The following CSMD1 variants were observed in gnomAD, a reference collection of about 807,000 sequenced individuals.
CSMD1 encodes CUB and Sushi multiple domains 1.
Under a neutral mutation model 417.5 loss-of-function variants are expected in CSMD1, and 213 were observed. The ratio of observed to expected loss-of-function variants is 0.51; its 90% CI spans 0.46 to 0.57. CSMD1 has a LOEUF of 0.57. Ranked by LOEUF, CSMD1 falls within the 20% of genes least tolerant of loss-of-function variation. The pLI is 0.00. For synonymous variants in CSMD1, 2,862 were observed against 1,736.8 expected, an observed-to-expected ratio of 1.65 and a Z score of -16.11; for missense variants, 6,923 against 4,529.7, an observed-to-expected ratio of 1.53 and a Z score of -15.17.
At chr8:3,764,882 G>A (rs1166019734) in intron 5 of CSMD1, among the ~76,000 whole-genome samples, 1 of 151,790 alleles carries the variant, frequency 6.6e-6, no homozygotes. Flanking sequence ...AAGTAGTTGG[G>A]ATTAAGGTGA....
intron 3 of CSMD1, among the ~76,000 whole-genome samples, chr8:4,124,973 C>T (rs546532450): frequency 2.6e-5 from 4 of 152,316 alleles, no homozygotes; most frequent in South Asian, 2.1e-4. Flanking sequence ...GGAAGTTTTA[C>T]TGTCGCTTTT....
At chr8:3,394,022 A>T (rs1392233665) in intron 17 of CSMD1, among the ~76,000 whole-genome samples, 522 of 43,566 alleles carry the variant, frequency 0.012, 18 homozygotes, top group African/African-American at 0.048. Flanking sequence ...TTATATATAT[A>T]TATATATATA....
intron 23 of CSMD1, among the ~76,000 whole-genome samples, chr8:3,340,267 G>C (rs564550867): frequency 6.6e-6 from 1 of 152,152 alleles, no homozygotes; most frequent in Non-Finnish European, 1.5e-5. Context: ...AGTAGAAGGA[G>C]CTATTTCCCA....
intron 3 of CSMD1, among the ~76,000 whole-genome samples, chr8:4,078,989 A>C (rs1481485698): frequency 6.8e-6 from 1 of 147,232 alleles, no homozygotes; most frequent in Non-Finnish European, 1.5e-5. Flanking sequence ...ACAATGTTGC[A>C]TTAACAGTAT....
chr8:4,425,578 T>A (rs1797502101), intron 2 of CSMD1, among the ~76,000 whole-genome samples: 1 of 152,082 alleles, frequency 6.6e-6, no homozygotes, highest in Non-Finnish European at 1.5e-5. Flanking sequence ...ACAAATGTGC[T>A]CCTGAAGACA....
intron 26 of CSMD1, among the ~76,000 whole-genome samples, chr8:3,236,432 C>G (rs1316398475): frequency 1.3e-5 from 2 of 152,040 alleles, no homozygotes; most frequent in Non-Finnish European, 2.9e-5. Context: ...AATAAGAAGG[C>G]TTGAGGAAGG....
At chr8:3,989,631 A>T (rs1440126140) in intron 5 of CSMD1, among the ~76,000 whole-genome samples, 1 of 152,358 alleles carries the variant, frequency 6.6e-6, no homozygotes, top group East Asian at 1.9e-4. Flanking sequence ...ATAATTCAAA[A>T]AAAATTAAAG....
chr8:3,818,029 C>T (rs558946287), intron 5 of CSMD1, among the ~76,000 whole-genome samples: 1 of 152,158 alleles, frequency 6.6e-6, no homozygotes, highest in Non-Finnish European at 1.5e-5. Flanking sequence ...CTTCCAACCC[C>T]AAACCACGAC....
chr8:2,966,789 C>T (rs1444732512), intron 57 of CSMD1, 43 bp from the exon 58 acceptor site: 1 of 1,592,132 alleles, frequency 6.3e-7, no homozygotes, highest in East Asian at 2.3e-5. Flanking sequence ...GTGAGTGACC[C>T]AGCATGAAAA....
intron 2 of CSMD1, among the ~76,000 whole-genome samples, chr8:4,450,349 C>A (rs77880457): frequency 6.6e-6 from 1 of 151,970 alleles, no homozygotes; most frequent in East Asian, 1.9e-4. Flanking sequence ...ATTTAGTAGC[C>A]GGGTGTGGTG....
intron 3 of CSMD1, among the ~76,000 whole-genome samples, chr8:4,150,687 T>C (rs952213450): frequency 2.6e-5 from 4 of 152,206 alleles, no homozygotes; most frequent in Admixed American, 2.0e-4. Context: ...GTTTAGCATT[T>C]GGTTTAGAAC....
chr8:3,935,825 C>T (rs1379359498), intron 5 of CSMD1, among the ~76,000 whole-genome samples: 13 of 152,058 alleles, frequency 8.5e-5, no homozygotes, highest in Non-Finnish European at 1.8e-4. Context: ...AAGGAAGAGT[C>T]ACATGTCTCT....
chr8:4,571,525 G>A (rs898624694), intron 2 of CSMD1, among the ~76,000 whole-genome samples: 2 of 152,142 alleles, frequency 1.3e-5, no homozygotes, highest in Non-Finnish European at 2.9e-5. Flanking sequence ...TATGATTTAT[G>A]TTCCTTTACA....
At chr8:4,730,533 G>C (rs921482374) in intron 1 of CSMD1, among the ~76,000 whole-genome samples, 1 of 152,114 alleles carries the variant, frequency 6.6e-6, no homozygotes, top group Non-Finnish European at 1.5e-5. Flanking sequence ...GAGGTCAGGA[G>C]ATGGAGACCA....
chr8:3,049,915 G>T lies in CSMD1; in HGVS notation c.7660+2547C>A, dbSNP rs73181742. 2.9e-3 allele frequency among the ~76,000 whole-genome samples: 438 copies of T among 152,116 alleles called. 6 individuals are homozygous for T. The highest frequency in any genetic ancestry group is 0.012 in the South Asian group (56 of 4,818). ...TGTGTCTTCCATTCAATTTTGCTGTGAACCTAAAACTACTCTCGAGAACAA... is the reference window on the plus strand; with the variant it reads ...TGTGTCTTCCATTCAATTTTGCTGTTAACCTAAAACTACTCTCGAGAACAA... On this transcript the variant is annotated intron_variant, in intron 50 of 69. Coordinates refer to ENST00000635120, the MANE Select transcript of CSMD1 (RefSeq NM_033225.6).
intron 4 of CSMD1, among the ~76,000 whole-genome samples, chr8:4,003,422 A>AT (rs1815859234): frequency 6.6e-6 from 1 of 150,718 alleles, no homozygotes; most frequent in Non-Finnish European, 1.5e-5. Flanking sequence ...AAACAAACAA[A>AT]TAAATAAATA....
At chr8:3,397,913 C>A (rs1215338607) in intron 16 of CSMD1, among the ~76,000 whole-genome samples, 1 of 152,174 alleles carries the variant, frequency 6.6e-6, no homozygotes, top group Non-Finnish European at 1.5e-5. Context: ...GCCCATCGGT[C>A]ATGGTGGAAA....
intron 2 of CSMD1, among the ~76,000 whole-genome samples, chr8:4,424,164 C>G (rs1400420154): frequency 2.0e-5 from 3 of 151,836 alleles, no homozygotes; most frequent in Admixed American, 6.6e-5. Context: ...ACCAAAATTA[C>G]AAACCAGAAA....
intron 5 of CSMD1, among the ~76,000 whole-genome samples, chr8:3,823,036 G>C (rs1476913201): frequency 6.6e-6 from 1 of 152,112 alleles, no homozygotes; most frequent in Admixed American, 6.5e-5. Flanking sequence ...TTCGGCATCA[G>C]TAGTTTATGA....
Sources: allele counts gnomAD v4.1 joint callset (sites outside exome capture counted in the v4.1 genomes callset), GRCh38; gene constraint gnomAD v4.1.1; transcripts MANE v1.5; gene names NCBI Gene and HGNC (gene_info 2026-07-23, HGNC 2026-07-21).